PACRG: variants seen among roughly 807,000 people sequenced by gnomAD.
The protein encoded by PACRG is parkin coregulated.
A neutral mutation model predicts 29.7 loss-of-function variants in PACRG; 29 were observed. The observed-to-expected ratio is 0.98, with a 90% CI of 0.73 to 1.33. The LOEUF (loss-of-function observed/expected upper bound fraction) is 1.33. Among genes scored for constraint, PACRG ranks in the 40% most tolerant of loss-of-function variants. PACRG has a pLI of 0.00. For synonymous variants in PACRG, 116 were observed against 118.7 expected, an observed-to-expected ratio of 0.98 and a Z score of 0.15; for missense variants, 279 against 316.2, an observed-to-expected ratio of 0.88 and a Z score of 0.89.
chr6:162,933,336 G>A (rs1035145661), intron 2 of PACRG, among the ~76,000 whole-genome samples: 1 of 152,018 alleles, frequency 6.6e-6, no homozygotes, highest in African/African-American at 2.4e-5. Context: ...TTGATGAAAT[G>A]TCTTGTCTCT....
chr6:162,970,633 A>G (rs1801449927), intron 2 of PACRG, among the ~76,000 whole-genome samples: 1 of 152,228 alleles, frequency 6.6e-6, no homozygotes, highest in Non-Finnish European at 1.5e-5. Context: ...TCTGCTCAAA[A>G]CAACTTTGGA....
chr6:163,096,325 C>T (rs762107716), intron 4 of PACRG, among the ~76,000 whole-genome samples: 7 of 151,652 alleles, frequency 4.6e-5, no homozygotes, highest in Non-Finnish European at 7.4e-5. Context: ...GGGCCTGTCC[C>T]GGCCCAAACC....
intron 4 of PACRG, among the ~76,000 whole-genome samples, chr6:163,161,830 G>A (rs1267785383): frequency 6.6e-6 from 1 of 152,228 alleles, no homozygotes; most frequent in Middle Eastern, 3.2e-3. Flanking sequence ...TAAAAGCTGA[G>A]TGGACCTCTC....
chr6:163,262,829 C>G (rs112594342), intron 4 of PACRG, among the ~76,000 whole-genome samples: 1 of 150,920 alleles, frequency 6.6e-6, no homozygotes, highest in Non-Finnish European at 1.5e-5. Context: ...ATCACTTGAG[C>G]GCAGAAGTTC....
chr6:162,981,003 T>TGTACCC (rs1802370261), intron 2 of PACRG, among the ~76,000 whole-genome samples: 1 of 152,094 alleles, frequency 6.6e-6, no homozygotes, highest in African/African-American at 2.4e-5. Flanking sequence ...CAGTGTCTAC[T>TGTACCC]GTACCCAATG....
intron 2 of PACRG, among the ~76,000 whole-genome samples, chr6:162,831,987 A>G (rs543321399): frequency 6.6e-5 from 10 of 152,340 alleles, no homozygotes; most frequent in African/African-American, 2.2e-4. Context: ...ATGTATCTTT[A>G]TAATAGAATG....
chr6:163,272,113 A>C (rs1329495921), intron 4 of PACRG, among the ~76,000 whole-genome samples: 6 of 146,476 alleles, frequency 4.1e-5, no homozygotes, highest in African/African-American at 1.5e-4. Context: ...ATCTTGGCTC[A>C]CTGCAACCTC....
At chr6:162,866,889 G>A (rs547426871) in intron 2 of PACRG, among the ~76,000 whole-genome samples, 1 of 152,350 alleles carries the variant, frequency 6.6e-6, no homozygotes, top group East Asian at 1.9e-4. Flanking sequence ...ATTAAAGGAA[G>A]TAAATCAGTG....
At chr6:163,166,244 T>C (rs1019409640) in intron 4 of PACRG, 20 of 454,776 alleles carry the variant, frequency 4.4e-5, no homozygotes, top group Non-Finnish European at 8.4e-5. Context: ...CTTTGACTGT[T>C]TTGTTTGTTC....
intron 2 of PACRG, among the ~76,000 whole-genome samples, chr6:163,036,872 CCA>C (rs1491117829): frequency 9.2e-6 from 1 of 108,658 alleles, no homozygotes; most frequent in African/African-American, 3.7e-5. Flanking sequence ...ATCCATCCAT[CCA>C]TCCATCCATC....
intron 2 of PACRG, among the ~76,000 whole-genome samples, chr6:162,979,272 AT>A (rs1802213012): frequency 6.6e-6 from 1 of 152,046 alleles, no homozygotes. Flanking sequence ...CATTTCCCTG[AT>A]TATTAGACAT....
intron 4 of PACRG, among the ~76,000 whole-genome samples, chr6:163,253,792 A>G (rs1204290368): frequency 1.3e-5 from 2 of 152,218 alleles, no homozygotes; most frequent in East Asian, 3.8e-4. Context: ...CCACTCTTGG[A>G]TAATCATTCT....
intron 2 of PACRG, among the ~76,000 whole-genome samples, chr6:162,849,395 T>G (rs1051463003): frequency 6.6e-6 from 1 of 152,210 alleles, no homozygotes; most frequent in Admixed American, 6.5e-5. Context: ...TTTGCTCCAC[T>G]GATGTGAAGA....
rs996870049 is a variant in PACRG, at chr6:163,055,927, C to T, written c.292-6223C>T. 1.3e-5 allele frequency among the ~76,000 whole-genome samples: 2 copies of T among 152,160 alleles called. No individual in the cohort carries two copies. The highest frequency in any genetic ancestry group is 2.9e-5 in the Non-Finnish European group (2 of 68,026). ...TCCGAACGTTTCATAGAAATGGAAT[C>T]GTACAGTATGTGGTCTTTTGTGACT... On this transcript the variant is annotated intron_variant, in intron 2 of 4. Transcript: ENST00000366888. This position sits in a 1 kb window ranked among gnomAD's most constrained non-coding sequence, Gnocchi z 4.0.
intron 1 of PACRG, among the ~76,000 whole-genome samples, chr6:162,769,358 G>A (rs954293798): frequency 1.6e-4 from 24 of 151,738 alleles, no homozygotes; most frequent in East Asian, 1.2e-3. Flanking sequence ...TCCTAATACC[G>A]GGGACAAACG....
intron 2 of PACRG, among the ~76,000 whole-genome samples, chr6:162,972,052 T>C (rs1244423456): frequency 6.6e-6 from 1 of 152,140 alleles, no homozygotes; most frequent in Non-Finnish European, 1.5e-5. Context: ...ATGAGGATGG[T>C]CAGATGGCAG....
intron 4 of PACRG, among the ~76,000 whole-genome samples, chr6:163,176,909 A>G (rs1779389254): frequency 6.6e-6 from 1 of 152,246 alleles, no homozygotes; most frequent in African/African-American, 2.4e-5. Context: ...AATCTGGGAC[A>G]GTCAGCTGTC....
chr6:163,269,797 G>A (rs11758610), intron 4 of PACRG, among the ~76,000 whole-genome samples: 32,581 of 86,264 alleles, frequency 0.38, 8,487 homozygotes, highest in African/African-American at 0.53. Flanking sequence ...AGAAAGAAAG[G>A]AAGGAAGGAA....
chr6:162,906,090 T>A (rs1386409922), intron 2 of PACRG, among the ~76,000 whole-genome samples: 2 of 152,220 alleles, frequency 1.3e-5, no homozygotes, highest in African/African-American at 4.8e-5. Flanking sequence ...GGCAAGGTTT[T>A]CAAATTTTTT....
Sources: gnomAD v4.1 joint callset for allele counts (sites outside exome capture counted in the v4.1 genomes callset) on GRCh38, gnomAD v4.1.1 for gene constraint, Gnocchi (gnomAD v3.1) non-coding constraint, MANE v1.5 for transcripts, NCBI Gene and HGNC (gene_info 2026-07-23, HGNC 2026-07-21) for gene names.